SEMA5B: variants seen among roughly 807,000 people sequenced by gnomAD.
SEMA5B encodes semaphorin-5B.
Under a neutral mutation model 135.0 loss-of-function variants are expected in SEMA5B, and 66 were observed. The ratio of observed to expected loss-of-function variants is 0.49; its 90% CI spans 0.40 to 0.60. SEMA5B has a LOEUF of 0.60. SEMA5B is among the 20% of genes least tolerant of loss of function. The pLI is 0.00. For missense variants in SEMA5B, 1,501 were observed against 1,566.3 expected (o/e 0.96, Z 0.70); for synonymous variants, 690 against 639.5 (o/e 1.08, Z -1.19).
At chr3:122,994,758 G>A (rs573177610) in intron 1 of SEMA5B, among the ~76,000 whole-genome samples, 72 of 152,340 alleles carry the variant, frequency 4.7e-4, no homozygotes, top group African/African-American at 1.7e-3. Context: ...CTAAATCTCT[G>A]AGACTCGGTT....
intron 1 of SEMA5B, among the ~76,000 whole-genome samples, chr3:123,008,892 G>A (rs558457087): frequency 7.0e-4 from 107 of 152,240 alleles, no homozygotes; most frequent in Non-Finnish European, 1.2e-3. Flanking sequence ...CTGGAGCTGG[G>A]GGGCTGCAGC....
intron 1 of SEMA5B, 62 bp from the exon 2 acceptor site, chr3:122,961,363 G>T: frequency 6.7e-7 from 1 of 1,491,238 alleles, no homozygotes; most frequent in Middle Eastern, 1.8e-4. Context: ...AAGAGATGAG[G>T]TCAGATATAG....
At chr3:122,911,186 AGGGAGGCTG>A (rs943356061) in intron 21 of SEMA5B, 141 bp from the exon 22 acceptor site, 765 of 1,021,658 alleles carry the variant, frequency 7.5e-4, no homozygotes, top group Non-Finnish European at 9.1e-4. Context: ...CAAAGGAAAC[AGGGAGGCTG>A]GGGAGGCTGT....
At chr3:123,025,512 T>A (rs1320754739) in intron 1 of SEMA5B, among the ~76,000 whole-genome samples, 3 of 152,228 alleles carry the variant, frequency 2.0e-5, no homozygotes, top group Admixed American at 6.5e-5. Context: ...CAGTGTTAGA[T>A]GTCCACGGTG....
At chr3:122,921,238 G>C (rs1938332777) in intron 12 of SEMA5B, among the ~76,000 whole-genome samples, 2 of 152,240 alleles carry the variant, frequency 1.3e-5, no homozygotes, top group Non-Finnish European at 2.9e-5. Flanking sequence ...CAGCCTGGGA[G>C]AGCCTCGGGT....
intron 1 of SEMA5B, among the ~76,000 whole-genome samples, chr3:123,025,670 CACACTCACCT>C (rs1392688799): frequency 1.3e-5 from 2 of 152,160 alleles, no homozygotes; most frequent in African/African-American, 2.4e-5. Context: ...CCCTGAAACC[CACACTCACCT>C]ACACACACCT....
At chr3:122,935,405 C>T (rs1939216703) in intron 5 of SEMA5B, among the ~76,000 whole-genome samples, 1 of 152,098 alleles carries the variant, frequency 6.6e-6, no homozygotes, top group Non-Finnish European at 1.5e-5. Flanking sequence ...TGGAGACTTT[C>T]TAGTTGAATC....
At chr3:122,920,452 T>C (rs1320620498) in intron 12 of SEMA5B, among the ~76,000 whole-genome samples, 1 of 152,188 alleles carries the variant, frequency 6.6e-6, no homozygotes, top group Non-Finnish European at 1.5e-5. Flanking sequence ...CTGTACTGAC[T>C]ATATTCAATG....
At chr3:122,986,675 G>A (rs1469206772) in intron 1 of SEMA5B, among the ~76,000 whole-genome samples, 2 of 151,532 alleles carry the variant, frequency 1.3e-5, no homozygotes, top group Non-Finnish European at 2.9e-5. Context: ...TGCAAATGGT[G>A]GGTAGAAAGG....
At chr3:122,998,940 T>C (rs191087585) in intron 1 of SEMA5B, among the ~76,000 whole-genome samples, 1 of 152,306 alleles carries the variant, frequency 6.6e-6, no homozygotes, top group Admixed American at 6.5e-5. Context: ...GGAAGACAAC[T>C]TCAGCAAGTC....
intron 1 of SEMA5B, among the ~76,000 whole-genome samples, chr3:122,983,353 A>G (rs560257245): frequency 1.3e-5 from 2 of 152,142 alleles, no homozygotes; most frequent in African/African-American, 4.8e-5. Context: ...TTTGCAGTCT[A>G]ACTTAATTTT....
intron 3 of SEMA5B, 46 bp from the exon 4 acceptor site, chr3:122,943,581 C>A: frequency 7.3e-7 from 1 of 1,370,520 alleles, no homozygotes; most frequent in East Asian, 2.3e-5. Flanking sequence ...GGGCCAGAGG[C>A]TCCCAGCTGC....
At chr3:122,973,412 A>C (rs891882026) in intron 1 of SEMA5B, among the ~76,000 whole-genome samples, 1 of 152,110 alleles carries the variant, frequency 6.6e-6, no homozygotes, top group Non-Finnish European at 1.5e-5. Context: ...CCCCAAGATG[A>C]GTGGGGTCCA....
intron 9 of SEMA5B, 141 bp from the exon 10 acceptor site, chr3:122,923,893 A>C: frequency 9.8e-6 from 9 of 915,016 alleles, no homozygotes; most frequent in Non-Finnish European, 1.5e-5. Flanking sequence ...GGGGATCTCA[A>C]AGGGAGGAGA....
At chr3:122,994,630 G>C (rs974201688) in intron 1 of SEMA5B, among the ~76,000 whole-genome samples, 3 of 152,158 alleles carry the variant, frequency 2.0e-5, no homozygotes, top group East Asian at 3.9e-4. Flanking sequence ...AGGGTTATTG[G>C]CTTGACCATG....
intron 1 of SEMA5B, among the ~76,000 whole-genome samples, chr3:122,970,377 G>A (rs1456952300): frequency 6.6e-6 from 1 of 152,230 alleles, no homozygotes; most frequent in Non-Finnish European, 1.5e-5. Flanking sequence ...TGTTACAACC[G>A]ATTGTTGGGC....
chr3:122,937,883 G>A (rs1703757452), intron 5 of SEMA5B, among the ~76,000 whole-genome samples: 2 of 152,206 alleles, frequency 1.3e-5, no homozygotes, highest in African/African-American at 4.8e-5. Flanking sequence ...AGCTCAGGGT[G>A]GGACCCCTGG....
intron 1 of SEMA5B, among the ~76,000 whole-genome samples, chr3:122,994,114 G>T (rs890868278): frequency 6.6e-6 from 1 of 151,982 alleles, no homozygotes; most frequent in African/African-American, 2.4e-5. Flanking sequence ...CACCACTACA[G>T]CCCGACTTCC....
upstream of SEMA5B, chr3:123,027,835 G>C (rs1395011623): frequency 2.0e-5 from 3 of 152,318 alleles, no homozygotes; most frequent in African/African-American, 7.2e-5. Flanking sequence ...AGAGAAGGAG[G>C]GGAGCGGGAG....
Sources: allele counts gnomAD v4.1 joint callset (sites outside exome capture counted in the v4.1 genomes callset), GRCh38; gene constraint gnomAD v4.1.1; transcripts MANE v1.5; gene names NCBI Gene and HGNC (gene_info 2026-07-23, HGNC 2026-07-21).